Variants in TOLLIP observed in about 807,000 individuals in gnomAD.
TOLLIP encodes the protein toll interacting protein, also known as toll-interacting protein.
TOLLIP carries 16 observed loss-of-function variants against 33.5 expected under a neutral mutation model. The ratio of observed to expected loss-of-function variants is 0.48; its 90% CI spans 0.32 to 0.72. TOLLIP has a LOEUF of 0.72. TOLLIP is among the 30% of genes least tolerant of loss of function. The pLI, the probability that TOLLIP is intolerant of heterozygous loss-of-function variation, is 0.03. For missense variants in TOLLIP, 325 were observed against 396.6 expected, an observed-to-expected ratio of 0.82 and a Z score of 1.53; for synonymous variants, 176 against 163.7, an observed-to-expected ratio of 1.07 and a Z score of -0.57.
Position 1,277,103 on chromosome 11 carries a change from T to C in TOLLIP, c.761A>G (p.Glu254Gly). The C allele has an allele frequency of 6.2e-7, 1 of 1,614,126 alleles. No homozygotes were observed. The change falls in exon 6 of 6, where the codon GAA becomes GGA. Residue 254 changes from glutamate to glycine, a missense_variant. Glu to Gly is a moderately conservative substitution (Grantham distance 98). Transcript: ENST00000317204. The surrounding 1 kb of genome is among the most constrained non-coding windows in gnomAD (Gnocchi z 4.2). The stretch of plus-strand genomic sequence containing the variant: ...GGCATCCTTGTTCCCTCGCTGGGCT[T>C]CCAGCACGGAGCGGATCACCTCCTG... ...MDQEVIRSVL[E>G]AQRGNKDAAI... is the part of the protein sequence containing the mutation.
In TOLLIP at chr11:1,278,651, C is replaced by T. The variant is rs5744008; in HGVS notation, c.611-1398G>A. On this transcript the variant is annotated intron_variant, in intron 5 of 5. Coordinates refer to ENST00000317204, the MANE Select transcript of TOLLIP (RefSeq NM_019009.4). The surrounding 1 kb of genome is among the most constrained non-coding windows in gnomAD (Gnocchi z 4.7). ...CTCGGCTCTCTCAGGGCCAGGCCCA[C>T]CTTTCCTCCACACCCACACCTGCCT... 4.1e-4 allele frequency among the ~76,000 whole-genome samples: 63 copies of T among 152,328 alleles called. No homozygotes were observed. Among genetic ancestry groups the T allele is most frequent in the African/African-American group, 1.5e-3 (61 of 41,568 alleles).
chr11:1,287,390 CT>C (rs1863752362), intron 4 of TOLLIP, among the ~76,000 whole-genome samples: 1 of 131,180 alleles, frequency 7.6e-6, no homozygotes, highest in Non-Finnish European at 1.6e-5. Context: ...CAGCTCCCTG[CT>C]GCTGCCTCCC....
Position 1,277,616 on chromosome 11 carries a change from G to A in TOLLIP, c.611-363C>T, listed in dbSNP as rs1182839414. Among the ~76,000 whole-genome samples, 1 of 152,160 alleles carries A rather than the reference G, an allele frequency of 6.6e-6. No individual in the cohort carries two copies. The highest frequency in any genetic ancestry group is 1.5e-5 in the Non-Finnish European group (1 of 68,042). ...GAACTCGTGAATTTGCACTGCACAC[G>A]CTCGTCTTCACTGACCAGTGGGCTC... is the stretch of plus-strand genomic sequence containing the variant. On this transcript the variant is annotated intron_variant, in intron 5 of 5. Transcript: ENST00000317204. This position sits in a 1 kb window ranked among gnomAD's most constrained non-coding sequence, Gnocchi z 4.2.
rs1208272873 is a variant in TOLLIP, at chr11:1,303,396, G to A, written c.33+6070C>T. ...GCGCCGGGCACAGGGCGCGCGCTGCGGCAGCCTCTGCGTGTCACTGTGTGC... is the reference window on the plus strand; with the variant it reads ...GCGCCGGGCACAGGGCGCGCGCTGCAGCAGCCTCTGCGTGTCACTGTGTGC... On this transcript the variant is annotated intron_variant, in intron 1 of 5. Coordinates refer to ENST00000317204, the MANE Select transcript of TOLLIP (RefSeq NM_019009.4). This position sits in a 1 kb window ranked among gnomAD's most constrained non-coding sequence, Gnocchi z 4.2. Among the ~76,000 whole-genome samples the A allele has an allele frequency of 2.6e-5, 4 of 152,314 alleles. No individual in the cohort carries two copies. The highest frequency in any genetic ancestry group is 3.9e-4 in the East Asian group (2 of 5,154).
chr11:1,282,304 A>T (rs1014330126), intron 5 of TOLLIP, among the ~76,000 whole-genome samples: 1 of 152,246 alleles, frequency 6.6e-6, no homozygotes, highest in African/African-American at 2.4e-5. Context: ...TGAAAAAATA[A>T]CATTCATAAG....
At chr11:1,298,777 G>A (rs1339787424) in intron 1 of TOLLIP, among the ~76,000 whole-genome samples, 1 of 152,216 alleles carries the variant, frequency 6.6e-6, no homozygotes, top group Non-Finnish European at 1.5e-5. Flanking sequence ...GGCGGGGCAG[G>A]TGCGCGTCCA....
intron 1 of TOLLIP, among the ~76,000 whole-genome samples, chr11:1,301,379 A>G (rs914957783): frequency 2.0e-5 from 3 of 152,094 alleles, no homozygotes; most frequent in African/African-American, 7.2e-5. Flanking sequence ...ATCCCACACA[A>G]ACGGCATCCG....
At chr11:1,293,201 C>A (rs1057095432) in intron 2 of TOLLIP, among the ~76,000 whole-genome samples, 1 of 152,204 alleles carries the variant, frequency 6.6e-6, no homozygotes, top group Non-Finnish European at 1.5e-5. Context: ...CAGCCACCTG[C>A]GGACACGGGG....
At chr11:1,282,366 T>C (rs1182674863) in intron 5 of TOLLIP, among the ~76,000 whole-genome samples, 1 of 152,238 alleles carries the variant, frequency 6.6e-6, no homozygotes, top group East Asian at 1.9e-4. Context: ...AAATACCTAA[T>C]GTTAAATGAC....
intron 1 of TOLLIP, among the ~76,000 whole-genome samples, chr11:1,306,411 C>T (rs1233446398): frequency 3.9e-5 from 6 of 152,082 alleles, no homozygotes; most frequent in South Asian, 2.1e-4. Context: ...GGGGAGGCAA[C>T]GGCTAGACCA....
At chr11:1,304,082 C>T (rs925579984) in intron 1 of TOLLIP, among the ~76,000 whole-genome samples, 1 of 150,020 alleles carries the variant, frequency 6.7e-6, no homozygotes, top group Non-Finnish European at 1.5e-5. Context: ...GGAGGCAGGC[C>T]AGAAGCAGCG....
At chr11:1,281,633 C>G (rs540943800) in intron 5 of TOLLIP, among the ~76,000 whole-genome samples, 1 of 152,364 alleles carries the variant, frequency 6.6e-6, no homozygotes, top group South Asian at 2.1e-4. Flanking sequence ...AGAAGCCGGG[C>G]TCTCCTTTCC....
At chr11:1,287,126 C>G (rs552013809) in intron 4 of TOLLIP, among the ~76,000 whole-genome samples, 1 of 152,234 alleles carries the variant, frequency 6.6e-6, no homozygotes, top group South Asian at 2.1e-4. Context: ...GGATAAGTCA[C>G]TGCACCGCTG....
chr11:1,292,608 C>T (rs1043387159), intron 2 of TOLLIP, among the ~76,000 whole-genome samples: 9 of 152,252 alleles, frequency 5.9e-5, no homozygotes, highest in Non-Finnish European at 1.2e-4. Flanking sequence ...AGCATCTGCC[C>T]ATTCACTATG....
rs187626472 is a variant in TOLLIP, at chr11:1,291,634, C to T, written c.184-1225G>A. Among the ~76,000 whole-genome samples, 493 of 151,248 alleles carry T rather than the reference C, an allele frequency of 3.3e-3. 4 individuals are homozygous for T. Among genetic ancestry groups the T allele is most frequent in the African/African-American group, 0.011 (449 of 41,198 alleles). Reference sequence around the variant, plus strand: ...GAGGGCACCGCCGCCCTGTTCTCACCGCACCCCTCTGAGGGCACGGCCGCC... The same window carrying T: ...GAGGGCACCGCCGCCCTGTTCTCACTGCACCCCTCTGAGGGCACGGCCGCC... On this transcript the variant is annotated intron_variant, in intron 2 of 5. Transcript: ENST00000317204.
In TOLLIP at chr11:1,277,423, C is replaced by A. The variant is rs1303504684; in HGVS notation, c.611-170G>T. On this transcript the variant is annotated intron_variant, in intron 5 of 5. Transcript: ENST00000317204. The surrounding 1 kb of genome is among the most constrained non-coding windows in gnomAD (Gnocchi z 4.2). The stretch of plus-strand genomic sequence containing the variant: ...AAGACACCCTGGAAAGGCAAACCCC[C>A]AAACAGCAACCCCAGGCACAGCCAC... Among the ~76,000 whole-genome samples the A allele has an allele frequency of 2.0e-5, 3 of 152,180 alleles. No homozygotes were observed. The highest frequency in any genetic ancestry group is 2.9e-5 in the Non-Finnish European group (2 of 68,034).
chr11:1,287,451 CCCTCCCCGCCGCAG>C (rs1564969512), intron 4 of TOLLIP, among the ~76,000 whole-genome samples: 48 of 14,546 alleles, frequency 3.3e-3, no homozygotes, highest in Middle Eastern at 0.05. Context: ...CCCCGCCGCA[CCCTCCCCGCCGCAG>C]CCTCCCCGCC....
rs1864526855 is a variant in TOLLIP, at chr11:1,309,409, GCCCCGCCCGCAACCGCAGGTCACCGC to G, written c.33+31_33+56del. The G allele has an allele frequency of 1.5e-5, 16 of 1,090,064 alleles. No homozygotes were observed. In the South Asian group the frequency reaches 4.1e-4, roughly 28 times the overall value. The allele number at this position is 1,090,064 out of a possible 1,614,324, so 67.5% of individuals were successfully genotyped here. ...AGCTGAGCAGTAGCCCTGACCCAAG[GCCCCGCCCGCAACCGCAGGTCACCGC>G]CCCCGCCCGACCCTCGCCCGGCTGC... is the stretch of plus-strand genomic sequence containing the variant. On this transcript the variant is annotated intron_variant, in intron 1 of 5. Transcript: ENST00000317204.
chr11:1,289,485 G>A (rs779870113), intron 3 of TOLLIP, among the ~76,000 whole-genome samples: 2 of 152,228 alleles, frequency 1.3e-5, no homozygotes, highest in Non-Finnish European at 2.9e-5. Flanking sequence ...AGCCACGGAC[G>A]GGACTCAGGA....
Sources: allele counts gnomAD v4.1 joint callset (sites outside exome capture counted in the v4.1 genomes callset), GRCh38; gene constraint gnomAD v4.1.1; non-coding constraint Gnocchi (gnomAD v3.1); transcripts MANE v1.5; gene names NCBI Gene and HGNC (gene_info 2026-07-23, HGNC 2026-07-21).